SLC2A9: variants seen among roughly 807,000 people sequenced by gnomAD.
The protein encoded by SLC2A9 is solute carrier family 2 member 9, also known as solute carrier family 2, facilitated glucose transporter member 9.
A neutral mutation model predicts 50.6 loss-of-function variants in SLC2A9; 39 were observed. The observed-to-expected ratio is 0.77, with a 90% CI of 0.60 to 1.01. SLC2A9 has a LOEUF of 1.01. Ranked by LOEUF, SLC2A9 falls within the 50% of genes least tolerant of loss-of-function variation. SLC2A9 has a pLI of 0.00. For synonymous variants in SLC2A9, 324 were observed against 276.9 expected (o/e 1.17, Z -1.69); for missense variants, 686 against 677.6 (o/e 1.01, Z -0.14).
chr4:9,897,616 C>T lies in SLC2A9; in HGVS notation c.1114-6905G>A, dbSNP rs896957230. Among the ~76,000 whole-genome samples the T allele has an allele frequency of 4.6e-5, 7 of 152,130 alleles. No individual in the cohort carries two copies. In the East Asian group the frequency reaches 5.8e-4, roughly 13 times the overall value. On this transcript the variant is annotated intron_variant, in intron 8 of 11. Transcript: ENST00000264784. ...GAAAGTGTGGACACGGAGACAGACA[C>T]GCACACAGGCCTGTAATCCCAGCAC...
At chr4:10,029,565 A>ATTTTATATT (rs11396953) in intron 1 of SLC2A9, among the ~76,000 whole-genome samples, 2 of 110,160 alleles carry the variant, frequency 1.8e-5, no homozygotes, top group African/African-American at 5.4e-5. Context: ...ATTTTATTTT[A>ATTTTATATT]TTTATTTTAT....
chr4:9,994,100 G>C (rs1279073246), intron 3 of SLC2A9, among the ~76,000 whole-genome samples: 1 of 152,216 alleles, frequency 6.6e-6, no homozygotes, highest in Non-Finnish European at 1.5e-5. Context: ...GCATCAGGAA[G>C]GCGTTTCAAA....
chr4:9,904,822 C>T (rs973984013), intron 8 of SLC2A9, among the ~76,000 whole-genome samples: 8 of 152,148 alleles, frequency 5.3e-5, no homozygotes, highest in African/African-American at 1.9e-4. Context: ...AATTTAGTTT[C>T]ATGCCTTTCC....
intron 7 of SLC2A9, among the ~76,000 whole-genome samples, chr4:9,910,248 C>T (rs4336225): frequency 0.069 from 10,582 of 152,278 alleles, 941 homozygotes; most frequent in East Asian, 0.28. Flanking sequence ...TAGACTCCAT[C>T]GTTAGCCTGA....
chr4:9,804,045 C>T (rs1480555003), intron 3 of SLC2A9, among the ~76,000 whole-genome samples: 1 of 152,184 alleles, frequency 6.6e-6, no homozygotes, highest in African/African-American at 2.4e-5. Flanking sequence ...GCAAAGTGAT[C>T]TGAAGGTGTT....
downstream of SLC2A9, among the ~76,000 whole-genome samples, chr4:9,796,982 G>A (rs1013329984): frequency 3.3e-5 from 5 of 152,162 alleles, no homozygotes; most frequent in African/African-American, 4.8e-5. Context: ...GGAAAGGAGG[G>A]AAAACGGATG....
At chr4:9,805,075 A>C (rs1308641671) in intron 3 of SLC2A9, among the ~76,000 whole-genome samples, 2 of 152,126 alleles carry the variant, frequency 1.3e-5, no homozygotes, top group African/African-American at 4.8e-5. Context: ...CGGCCTGCAG[A>C]TCTCCTGCCT....
At chr4:9,956,120 C>T (rs1380670945) in intron 5 of SLC2A9, among the ~76,000 whole-genome samples, 4 of 151,436 alleles carry the variant, frequency 2.6e-5, no homozygotes, top group Non-Finnish European at 5.9e-5. Context: ...CTCAGGTGAT[C>T]GACCTGCCTC....
chr4:9,987,162 C>T (rs1056622209), intron 3 of SLC2A9, among the ~76,000 whole-genome samples: 1 of 152,156 alleles, frequency 6.6e-6, no homozygotes, highest in African/African-American at 2.4e-5. Context: ...CTCTATCACC[C>T]AGGCTGGAGT....
At chr4:9,975,661 A>AAATT (rs1560418642) in intron 5 of SLC2A9, among the ~76,000 whole-genome samples, 2 of 152,230 alleles carry the variant, frequency 1.3e-5, no homozygotes, top group African/African-American at 2.4e-5. Context: ...GTGGGAATGT[A>AAATT]AATTAGTTCA....
intron 10 of SLC2A9, chr4:9,879,241 A>C: frequency 1.0e-6 from 1 of 985,418 alleles, no homozygotes; most frequent in Non-Finnish European, 1.2e-6. Flanking sequence ...GAAAGTCTCA[A>C]GATGCAGTAT....
At chr4:9,782,647 C>G in intron 3 of SLC2A9, 1 of 1,614,040 alleles carries the variant, frequency 6.2e-7, no homozygotes, top group South Asian at 1.1e-5. Flanking sequence ...GGGAGGAGGA[C>G]TTTTGGGAGC....
chr4:9,818,469 C>G (rs149835703), intron 3 of SLC2A9, among the ~76,000 whole-genome samples: 1 of 152,352 alleles, frequency 6.6e-6, no homozygotes, highest in African/African-American at 2.4e-5. Flanking sequence ...AACTCAACTA[C>G]TCAACTCTGA....
At chr4:10,022,250 C>G (rs551679460), upstream of SLC2A9, among the ~76,000 whole-genome samples, 1 of 152,376 alleles carries the variant, frequency 6.6e-6, no homozygotes, top group Admixed American at 6.5e-5. Context: ...GTCCTGCAGA[C>G]TTATTCTGAA....
chr4:9,996,732 T>C (rs772544951), intron 3 of SLC2A9, 49 bp downstream of exon 3: 18 of 1,603,488 alleles, frequency 1.1e-5, no homozygotes, highest in African/African-American at 2.7e-5. Flanking sequence ...GACACAGATA[T>C]ATTATGAACA....
intron 2 of SLC2A9, 87 bp downstream of exon 2, chr4:10,018,888 A>C: frequency 7.6e-7 from 1 of 1,321,166 alleles, no homozygotes; most frequent in Non-Finnish European, 1.1e-6. Flanking sequence ...GCGCAACAGG[A>C]GGGGGCGCTG....
intron 3 of SLC2A9, among the ~76,000 whole-genome samples, chr4:9,808,875 A>T (rs1722480217): frequency 6.6e-6 from 1 of 152,202 alleles, no homozygotes; most frequent in Admixed American, 6.5e-5. Flanking sequence ...ACACAAAAGA[A>T]GGTACAAAAG....
At chr4:10,030,806 T>C (rs1763919232) in intron 1 of SLC2A9, among the ~76,000 whole-genome samples, 1 of 152,152 alleles carries the variant, frequency 6.6e-6, no homozygotes, top group Non-Finnish European at 1.5e-5. Context: ...GCCCCTCTTA[T>C]GTAGTAGACC....
At chr4:9,782,414 C>T in intron 3 of SLC2A9, 1 of 1,614,032 alleles carries the variant, frequency 6.2e-7, no homozygotes, top group Non-Finnish European at 8.5e-7. Context: ...TGCCTCCATC[C>T]TGAACCTGTG....
Sources: gnomAD v4.1 joint callset for allele counts (sites outside exome capture counted in the v4.1 genomes callset) on GRCh38, gnomAD v4.1.1 for gene constraint, MANE v1.5 for transcripts, NCBI Gene and HGNC (gene_info 2026-07-23, HGNC 2026-07-21) for gene names.